Variants in CCSER1 observed in about 807,000 individuals in gnomAD.
The protein encoded by CCSER1 is coiled-coil serine rich protein 1.
In CCSER1, 41 loss-of-function variants were observed where a neutral mutation model predicts 82.0. That is an observed-to-expected ratio of 0.50 (90% confidence interval 0.39 to 0.65). The LOEUF (loss-of-function observed/expected upper bound fraction) is 0.65, where lower values mean the gene tolerates loss of function less well. Among genes scored for constraint, CCSER1 ranks in the 30% least tolerant of loss-of-function variants. The probability of loss-of-function intolerance (pLI) is 0.00; values close to 1 mark genes in which losing one functional copy is unlikely to be tolerated. For missense variants in CCSER1, 1,119 were observed against 1,064.2 expected, an observed-to-expected ratio of 1.05 and a Z score of -0.72; for synonymous variants, 414 against 383.9, an observed-to-expected ratio of 1.08 and a Z score of -0.92.
At chr4:90,690,687 A>G (rs1240141068) in intron 6 of CCSER1, among the ~76,000 whole-genome samples, 4 of 152,014 alleles carry the variant, frequency 2.6e-5, no homozygotes, top group Non-Finnish European at 5.9e-5. Flanking sequence ...TGGTACTCCC[A>G]TAATCATTCC....
intron 7 of CCSER1, chr4:90,781,509 T>A: frequency 1.0e-6 from 1 of 985,020 alleles, no homozygotes; most frequent in Non-Finnish European, 1.2e-6. Context: ...TTCTCTTATT[T>A]GATTAGATGT....
At chr4:90,780,400 G>T in intron 7 of CCSER1, 1 of 1,589,530 alleles carries the variant, frequency 6.3e-7, no homozygotes. Context: ...TGCTGAGTTG[G>T]TAGAATATAA....
chr4:90,551,101 C>T (rs897965579), intron 5 of CCSER1, among the ~76,000 whole-genome samples: 1 of 152,022 alleles, frequency 6.6e-6, no homozygotes, highest in Admixed American at 6.6e-5. Context: ...ACTTTGGTTA[C>T]AATTAAGTGA....
intron 3 of CCSER1, among the ~76,000 whole-genome samples, chr4:90,374,332 A>G (rs1455926838): frequency 6.6e-6 from 1 of 152,148 alleles, no homozygotes; most frequent in Non-Finnish European, 1.5e-5. Flanking sequence ...TTATTAGCAG[A>G]TAGAATACTG....
At chr4:90,604,983 G>A (rs1480020995) in intron 5 of CCSER1, among the ~76,000 whole-genome samples, 1 of 148,568 alleles carries the variant, frequency 6.7e-6, no homozygotes, top group Non-Finnish European at 1.5e-5. Flanking sequence ...CCAGCCAGCA[G>A]CGGCAACTGA....
At chr4:91,163,912 G>T (rs1448751630) in intron 10 of CCSER1, among the ~76,000 whole-genome samples, 1 of 152,046 alleles carries the variant, frequency 6.6e-6, no homozygotes, top group East Asian at 1.9e-4. Flanking sequence ...TTTAATCAGG[G>T]CATTTAGCCC....
intron 4 of CCSER1, among the ~76,000 whole-genome samples, chr4:90,411,808 A>G (rs548043919): frequency 1.1e-4 from 17 of 152,282 alleles, no homozygotes; most frequent in East Asian, 5.8e-4. Context: ...CGGGCATTCA[A>G]TTAGGAAAAG....
chr4:91,371,054 G>C (rs1399321595), intron 10 of CCSER1, among the ~76,000 whole-genome samples: 1 of 151,886 alleles, frequency 6.6e-6, no homozygotes. Context: ...TGGAGAAGGG[G>C]GTTTCATCAT....
chr4:91,351,829 C>A (rs1189010694), intron 10 of CCSER1, among the ~76,000 whole-genome samples: 1 of 151,646 alleles, frequency 6.6e-6, no homozygotes, highest in Non-Finnish European at 1.5e-5. Context: ...TTCATTTGTC[C>A]TATTTTGTTT....
chr4:90,344,941 A>G (rs549769905), intron 3 of CCSER1, among the ~76,000 whole-genome samples: 1 of 152,250 alleles, frequency 6.6e-6, no homozygotes, highest in African/African-American at 2.4e-5. Context: ...ATGCATATAA[A>G]TTCAATTTCC....
chr4:90,520,842 G>A (rs1242328395), intron 5 of CCSER1, among the ~76,000 whole-genome samples: 1 of 152,176 alleles, frequency 6.6e-6, no homozygotes, highest in East Asian at 1.9e-4. Flanking sequence ...GGGCAGGATG[G>A]CAGGAGGATG....
chr4:90,839,019 T>TA (rs1222492225), intron 8 of CCSER1: 1 of 1,612,364 alleles, frequency 6.2e-7, no homozygotes, highest in African/African-American at 1.3e-5. Flanking sequence ...ATCTCAGCCA[T>TA]ATCGGGTTTG....
At chr4:90,965,534 T>A (rs1338201089) in intron 9 of CCSER1, among the ~76,000 whole-genome samples, 1 of 152,136 alleles carries the variant, frequency 6.6e-6, no homozygotes, top group Non-Finnish European at 1.5e-5. Context: ...TATTGGCCAA[T>A]ACATTCAAGA....
At chr4:90,910,906 A>T (rs1726236139) in intron 8 of CCSER1, among the ~76,000 whole-genome samples, 1 of 152,230 alleles carries the variant, frequency 6.6e-6, no homozygotes, top group East Asian at 1.9e-4. Flanking sequence ...CAGGCCAAGA[A>T]TATGAATGAA....
At chr4:90,191,335 C>T (rs1409277401) in intron 1 of CCSER1, among the ~76,000 whole-genome samples, 5 of 151,910 alleles carry the variant, frequency 3.3e-5, no homozygotes, top group Admixed American at 3.3e-4. Flanking sequence ...AGCACATGTA[C>T]TAGTTTATAC....
chr4:90,711,093 T>A lies in CCSER1; in HGVS notation c.1933-12821T>A, dbSNP rs148095187. Among the ~76,000 whole-genome samples the A allele has an allele frequency of 3.9e-5, 6 of 152,206 alleles. No homozygotes were observed. The East Asian group carries it at 1.2e-3, about 29-fold the overall frequency. ...AGGAATTTTATTCTTTTTGTAGCAA[T>A]TGTAAATGTGAATTCATTCATGATT... On this transcript the variant is annotated intron_variant, in intron 6 of 10. Coordinates refer to ENST00000509176, the MANE Select transcript of CCSER1 (RefSeq NM_001145065.2).
chr4:91,404,978 TA>T (rs1450159404), intron 10 of CCSER1, among the ~76,000 whole-genome samples: 1 of 152,210 alleles, frequency 6.6e-6, no homozygotes, highest in Non-Finnish European at 1.5e-5. Flanking sequence ...TTGATCTGTC[TA>T]ATGTTGACAG....
At chr4:91,431,727 A>C (rs1193818006) in intron 10 of CCSER1, among the ~76,000 whole-genome samples, 1 of 152,178 alleles carries the variant, frequency 6.6e-6, no homozygotes, top group Non-Finnish European at 1.5e-5. Flanking sequence ...TCGGCCTCCC[A>C]AAGTGCTGGA....
chr4:91,175,684 T>C (rs1175053602), intron 10 of CCSER1, among the ~76,000 whole-genome samples: 1 of 152,236 alleles, frequency 6.6e-6, no homozygotes, highest in South Asian at 2.1e-4. Flanking sequence ...CATTTTTTTC[T>C]TGTAAATTTG....
Sources: gnomAD v4.1 joint callset for allele counts (sites outside exome capture counted in the v4.1 genomes callset) on GRCh38, gnomAD v4.1.1 for gene constraint, MANE v1.5 for transcripts, NCBI Gene and HGNC (gene_info 2026-07-23, HGNC 2026-07-21) for gene names.